Variants in GPRIN3 observed in about 807,000 individuals in gnomAD.
GPRIN3 encodes the protein G protein-regulated inducer of neurite outgrowth 3.
Under a neutral mutation model 13.7 loss-of-function variants are expected in GPRIN3, and 12 were observed. The observed-to-expected ratio is 0.87, with a 90% CI of 0.56 to 1.42. The LOEUF is 1.42. Among genes scored for constraint, GPRIN3 ranks in the 40% most tolerant of loss-of-function variants. The pLI, the probability that GPRIN3 is intolerant of heterozygous loss-of-function variation, is 0.00. For synonymous variants in GPRIN3, 377 were observed against 372.7 expected (o/e 1.01, Z -0.13); for missense variants, 1,009 against 958.7 (o/e 1.05, Z -0.69).
chr4:89,304,665 G>A (rs9993790), intron 1 of GPRIN3, among the ~76,000 whole-genome samples: 2,900 of 152,186 alleles, frequency 0.019, 94 homozygotes, highest in African/African-American at 0.067. Flanking sequence ...GTGTTCCTGA[G>A]TTACTTGTTT....
chr4:89,248,803 T>G lies in GPRIN3; in HGVS notation c.1308A>C (p.Glu436Asp). ...VSSNAQHTCK[E>D]DGRLAGMTPV... ...GAGTCATTCCTGCTAACCTCCCATC[T>G]TCTTTACACGTATGCTGGGCATTAC... is the stretch of plus-strand genomic sequence containing the variant. Residue 436 changes from glutamate to aspartate, a missense_variant, in exon 2 of 2, where the codon GAA (glutamate) becomes GAC (aspartate). By Grantham distance (45) the Glu-to-Asp change is conservative. Coordinates refer to ENST00000609438, the MANE Select transcript of GPRIN3 (RefSeq NM_198281.3). The G allele has an allele frequency of 1.9e-6, 3 of 1,614,226 alleles. No homozygotes were observed. Among genetic ancestry groups the G allele is most frequent in the Non-Finnish European group, 2.5e-6 (3 of 1,180,034 alleles).
chr4:89,285,911 A>G (rs1263137895), intron 1 of GPRIN3, among the ~76,000 whole-genome samples: 1 of 152,208 alleles, frequency 6.6e-6, no homozygotes, highest in African/African-American at 2.4e-5. Context: ...CTCAGGGGAA[A>G]GAGAAGCCGT....
chr4:89,280,778 A>G (rs1170285224), intron 1 of GPRIN3, among the ~76,000 whole-genome samples: 1 of 152,250 alleles, frequency 6.6e-6, no homozygotes, highest in Admixed American at 6.5e-5. Flanking sequence ...ACAAGCAAGA[A>G]GGGAAGAAAG....
rs1009078616 is a variant in GPRIN3 at position 89,236,825 on chromosome 4, G to T, written c.*10955C>A. 11 of 152,048 alleles carry T rather than the reference G, an allele frequency of 7.2e-5. No homozygotes were observed. The highest frequency in any genetic ancestry group is 2.7e-4 in the African/African-American group (11 of 41,370). 9.4% of individuals were successfully genotyped at this position (152,048 alleles called of 1,614,324 possible). On this transcript the variant is annotated 3_prime_UTR_variant, in exon 2 of 2. Transcript: ENST00000609438. ...TGCCATTGACAAATTGTAAAACTGT[G>T]CATGTATACATTATACCTCCTAAGG...
rs114960901 is a variant in GPRIN3, at chr4:89,248,864, C to T, written c.1247G>A (p.Gly416Glu). The T allele has an allele frequency of 6.2e-7, 1 of 1,614,144 alleles. No homozygotes were observed. The highest frequency in any genetic ancestry group is 2.2e-5 in the East Asian group (1 of 44,874). The change falls in exon 2 of 2, where the codon GGG becomes GAG. Residue 416 changes from glycine to glutamate, a missense_variant. By Grantham distance (98) the Gly-to-Glu change is moderately conservative. Transcript: ENST00000609438. ...RENKLASLPG[G>E]VLKTSSINLV... ...ATTGATTGATGAGGTTTTAAGGACC[C>T]CACCTGGTAGGCTCGCAAGTTTATT...
At chr4:89,305,027 C>T (rs1327541839) in intron 1 of GPRIN3, among the ~76,000 whole-genome samples, 1 of 152,014 alleles carries the variant, frequency 6.6e-6, no homozygotes, top group Non-Finnish European at 1.5e-5. Flanking sequence ...TACCATAGAT[C>T]CTCAAAATGA....
chr4:89,307,137 C>A (rs1046578751), intron 1 of GPRIN3, among the ~76,000 whole-genome samples: 4 of 151,934 alleles, frequency 2.6e-5, no homozygotes, highest in Non-Finnish European at 4.4e-5. Flanking sequence ...TTCTGCCTAC[C>A]TCAAGAAAAC....
In GPRIN3 at chr4:89,241,939, A is replaced by G. The variant is rs1722956263; in HGVS notation, c.*5841T>C. On this transcript the variant is annotated 3_prime_UTR_variant, in exon 2 of 2. Transcript: ENST00000609438. Reference sequence around the variant, plus strand: ...AATTTTTAAAGCAACAAAGAACAATACTAGCAGCAATGTCAAAAAGCAAGC... The same window carrying G: ...AATTTTTAAAGCAACAAAGAACAATGCTAGCAGCAATGTCAAAAAGCAAGC... 1.3e-5 allele frequency: 2 copies of G among 152,222 alleles called. No individual in the cohort carries two copies. The highest frequency in any genetic ancestry group is 6.5e-5 in the Admixed American group (1 of 15,280). The allele number at this position is 152,222 out of a possible 1,614,324, so 9.4% of individuals were successfully genotyped here.
chr4:89,271,501 T>C (rs1723949953), intron 1 of GPRIN3, among the ~76,000 whole-genome samples: 1 of 152,216 alleles, frequency 6.6e-6, no homozygotes, highest in Non-Finnish European at 1.5e-5. Context: ...TTACATTTTT[T>C]CTAGATTACT....
At chr4:89,254,978 C>T (rs1261247130) in intron 1 of GPRIN3, among the ~76,000 whole-genome samples, 3 of 152,152 alleles carry the variant, frequency 2.0e-5, no homozygotes, top group South Asian at 2.1e-4. Context: ...AGAACTGTCC[C>T]CCTTGACGGG....
rs1232830894 is a variant in GPRIN3, at chr4:89,248,112, G to A, written c.1999C>T (p.Leu667Phe). The change falls in exon 2 of 2, where the codon CTT becomes TTT. Residue 667 changes from leucine (L) to phenylalanine (F), a missense_variant. Transcript: ENST00000609438. ...GLTPGDKKKQLGADSKLQLKQ... is the reference protein window; with the variant it reads ...GLTPGDKKKQFGADSKLQLKQ... ...AGCTGGAGCTTGGAGTCTGCGCCAA[G>A]CTGCTTTTTCTTATCTCCTGGAGTG... 6.2e-7 allele frequency: 1 copy of A among 1,614,054 alleles called. No homozygotes were observed. The highest frequency in any genetic ancestry group is 8.5e-7 in the Non-Finnish European group (1 of 1,180,032).
chr4:89,300,721 C>G (rs188690536), intron 1 of GPRIN3, among the ~76,000 whole-genome samples: 55 of 152,172 alleles, frequency 3.6e-4, no homozygotes, highest in Admixed American at 3.1e-3. Context: ...AGAGCTCAGC[C>G]CCTTACCCTG....
intron 1 of GPRIN3, among the ~76,000 whole-genome samples, chr4:89,283,141 G>A: frequency 6.6e-6 from 1 of 152,206 alleles, no homozygotes; most frequent in South Asian, 2.1e-4. Context: ...CAGGCCTTCA[G>A]AGTAATTATT....
chr4:89,249,875 G>A lies in GPRIN3; in HGVS notation c.236C>T (p.Ser79Phe), dbSNP rs753838335. 6.2e-7 allele frequency: 1 copy of A among 1,614,094 alleles called. No homozygotes were observed. The highest frequency in any genetic ancestry group is 1.3e-5 in the African/African-American group (1 of 74,932). The change falls in exon 2 of 2, where the codon TCT becomes TTT. Residue 79 changes from serine (S) to phenylalanine (F), a missense_variant. Coordinates refer to ENST00000609438, the MANE Select transcript of GPRIN3 (RefSeq NM_198281.3). ...CEHETTQPDM[S>F]SPGVFNEVQK... ...CACTTCATTGAACACACCAGGAGAA[G>A]ACATATCTGGTTGGGTGGTCTCATG...
chr4:89,296,416 G>A (rs894824323), intron 1 of GPRIN3, among the ~76,000 whole-genome samples: 21 of 152,156 alleles, frequency 1.4e-4, no homozygotes, highest in African/African-American at 4.3e-4. Flanking sequence ...ACAGTTTTAA[G>A]AAGGAATTTG....
At position 89,239,139 on chromosome 4, in the gene GPRIN3, T is replaced by C. The variant is rs1046352375; in HGVS notation, c.*8641A>G. On this transcript the variant is annotated 3_prime_UTR_variant, in exon 2 of 2. Coordinates refer to ENST00000609438, the MANE Select transcript of GPRIN3 (RefSeq NM_198281.3). ...GATTTTATGGCCTTTGTAAACATTA[T>C]AATGTAGACATTATAAAAAAACATA... 1.3e-5 allele frequency: 2 copies of C among 152,186 alleles called. No homozygotes were observed. Among genetic ancestry groups the C allele is most frequent in the African/African-American group, 4.8e-5 (2 of 41,466 alleles). 9.4% of individuals were successfully genotyped at this position (152,186 alleles called of 1,614,324 possible).
intron 1 of GPRIN3, among the ~76,000 whole-genome samples, chr4:89,253,263 T>A (rs1355070344): frequency 6.6e-6 from 1 of 152,136 alleles, no homozygotes; most frequent in Non-Finnish European, 1.5e-5. Flanking sequence ...AAAATGGCCA[T>A]TATTACAGCT....
intron 1 of GPRIN3, among the ~76,000 whole-genome samples, chr4:89,251,928 T>C (rs1192380486): frequency 3.9e-5 from 6 of 151,960 alleles, no homozygotes; most frequent in Non-Finnish European, 7.4e-5. Flanking sequence ...TCAGAAATGA[T>C]TTAGGGCATA....
chr4:89,253,120 C>T (rs928532775), intron 1 of GPRIN3, among the ~76,000 whole-genome samples: 7 of 152,020 alleles, frequency 4.6e-5, no homozygotes, highest in Non-Finnish European at 5.9e-5. Flanking sequence ...TATATAAATG[C>T]CTCATTTTTC....
Sources: gnomAD v4.1 joint callset for allele counts (sites outside exome capture counted in the v4.1 genomes callset) on GRCh38, gnomAD v4.1.1 for gene constraint, MANE v1.5 for transcripts, NCBI Gene and HGNC (gene_info 2026-07-23, HGNC 2026-07-21) for gene names.